NDUFAF7: variants seen among roughly 807,000 people sequenced by gnomAD.
NDUFAF7 encodes protein arginine methyltransferase NDUFAF7, mitochondrial.
In NDUFAF7, 48 loss-of-function variants were observed where a neutral mutation model predicts 47.2. The observed-to-expected ratio is 1.02, with a 90% CI of 0.81 to 1.29. NDUFAF7 has a LOEUF of 1.29. NDUFAF7 is among the 50% of genes most tolerant of loss of function. The probability of loss-of-function intolerance (pLI) is 0.00; values close to 1 mark genes in which losing one functional copy is unlikely to be tolerated. For synonymous variants in NDUFAF7, 217 were observed against 190.0 expected, an observed-to-expected ratio of 1.14 and a Z score of -1.17; for missense variants, 635 against 537.6, an observed-to-expected ratio of 1.18 and a Z score of -1.79.
At chr2:37,250,040 T>A (rs954635538), downstream of NDUFAF7, among the ~76,000 whole-genome samples, 1 of 151,154 alleles carries the variant, frequency 6.6e-6, no homozygotes, top group Non-Finnish European at 1.5e-5. Flanking sequence ...TTTTTTGCAA[T>A]TTTTTTTTCA....
At chr2:37,234,501 A>G (rs1025136515) in intron 2 of NDUFAF7, among the ~76,000 whole-genome samples, 1 of 152,036 alleles carries the variant, frequency 6.6e-6, no homozygotes, top group Non-Finnish European at 1.5e-5. Flanking sequence ...ATTTAAAAAC[A>G]CTCTGTGAAG....
chr2:37,237,610 A>G lies in NDUFAF7; in HGVS notation c.298-147A>G, dbSNP rs114515653. On this transcript the variant is annotated intron_variant, in intron 3 of 9. Coordinates refer to ENST00000002125, the MANE Select transcript of NDUFAF7 (RefSeq NM_144736.5). ...AGTCCCAGGAAGTTCCTATGTGAAC[A>G]TGTACGTATGTATTGAACAACATAC... 0.011 allele frequency: 7,425 copies of G among 647,630 alleles called. 65 individuals carry two copies. The highest frequency in any genetic ancestry group is 0.014 in the Non-Finnish European group (5,080 of 366,570). The allele number at this position is 647,630 out of a possible 1,614,324, so 40.1% of individuals were successfully genotyped here.
rs1194462616 is a variant in NDUFAF7, at chr2:37,247,454, A to G, written c.937-2A>G. 1.9e-6 allele frequency: 3 copies of G among 1,613,926 alleles called. No homozygotes were observed. Among genetic ancestry groups the G allele is most frequent in the East Asian group, 4.5e-5 (2 of 44,864 alleles). ...CAAAAATCTGATTTCTTTATGTTCA[A>G]GGGGTTTTGCGACCACAAGCTTCAT... On this transcript the variant is annotated splice_acceptor_variant, in intron 8 of 9. Transcript: ENST00000002125. LOFTEE classifies it high-confidence loss of function.
chr2:37,263,886 T>G, the NDUFAF7 span, among the ~76,000 whole-genome samples: 1 of 152,198 alleles, frequency 6.6e-6, no homozygotes, highest in Non-Finnish European at 1.5e-5. Context: ...TCTTATAGCT[T>G]TGGGGTAGCT....
At chr2:37,257,406 C>G (rs1668040450), downstream of NDUFAF7, among the ~76,000 whole-genome samples, 1 of 152,072 alleles carries the variant, frequency 6.6e-6, no homozygotes, top group Non-Finnish European at 1.5e-5. Flanking sequence ...TGGCTCACAC[C>G]TGTAATCCCA....
At chr2:37,254,287 T>C, downstream of NDUFAF7, 1 of 1,611,904 alleles carries the variant, frequency 6.2e-7, no homozygotes. Context: ...ATCAGATCAA[T>C]TGCTAAGGGA....
downstream of NDUFAF7, among the ~76,000 whole-genome samples, chr2:37,253,815 G>A (rs1056954292): frequency 1.3e-5 from 2 of 152,118 alleles, no homozygotes; most frequent in African/African-American, 2.4e-5. Flanking sequence ...GAAGTTTGGA[G>A]GGTATCTTTT....
At chr2:37,259,728 T>C in the NDUFAF7 span, 1 of 1,330,768 alleles carries the variant, frequency 7.5e-7, no homozygotes, top group Non-Finnish European at 1.1e-6. Context: ...AAATCACAAG[T>C]AAACCTCATG....
At chr2:37,256,664 TC>T, downstream of NDUFAF7, 1 of 881,942 alleles carries the variant, frequency 1.1e-6, no homozygotes, top group Non-Finnish European at 1.7e-6. Context: ...TTTTTTACCT[TC>T]ACCAGAAATT....
the NDUFAF7 span, chr2:37,268,394 A>G: frequency 2.1e-6 from 1 of 469,858 alleles, no homozygotes; most frequent in Non-Finnish European, 4.4e-6. Flanking sequence ...AACCATAGAT[A>G]TTATATATGC....
chr2:37,232,399 C>A, intron 2 of NDUFAF7, 133 bp downstream of exon 2: 2 of 1,173,068 alleles, frequency 1.7e-6, no homozygotes, highest in Non-Finnish European at 2.6e-6. Flanking sequence ...TTTCTGAGGA[C>A]CTGGGGACAG....
At chr2:37,256,993 A>G (rs1179155918), downstream of NDUFAF7, 1 of 1,527,458 alleles carries the variant, frequency 6.5e-7, no homozygotes, top group Non-Finnish European at 9.0e-7. Context: ...ACCTGTCCCT[A>G]AATATAACAC....
chr2:37,253,568 G>A (rs1362997627), downstream of NDUFAF7, among the ~76,000 whole-genome samples: 1 of 152,024 alleles, frequency 6.6e-6, no homozygotes, highest in Non-Finnish European at 1.5e-5. Context: ...ATGAATGAAC[G>A]TAACTAATTT....
the NDUFAF7 span, among the ~76,000 whole-genome samples, chr2:37,263,343 T>C: frequency 6.6e-6 from 1 of 152,224 alleles, no homozygotes; most frequent in African/African-American, 2.4e-5. Flanking sequence ...CTTTAATGCA[T>C]TGAGATCAAA....
the NDUFAF7 span, chr2:37,267,388 C>G: frequency 1.3e-5 from 17 of 1,312,910 alleles, no homozygotes; most frequent in Admixed American, 8.4e-5. Flanking sequence ...CAGATTCTTA[C>G]CAGCCTCTTT....
At chr2:37,268,433 C>A in the NDUFAF7 span, 2 of 455,668 alleles carry the variant, frequency 4.4e-6, no homozygotes, top group Admixed American at 4.9e-5. Flanking sequence ...TTCTAGGCGA[C>A]TGCTTTATGT....
At chr2:37,267,332 T>C in the NDUFAF7 span, 1 of 786,026 alleles carries the variant, frequency 1.3e-6, no homozygotes, top group Non-Finnish European at 2.0e-6. Flanking sequence ...TACCATAATC[T>C]AATTTTGCCT....
downstream of NDUFAF7, chr2:37,256,643 T>TG: frequency 7.2e-7 from 1 of 1,395,492 alleles, no homozygotes; most frequent in Non-Finnish European, 9.3e-7. Flanking sequence ...TTTTTTTTTT[T>TG]TTTTTTTTTT....
intron 2 of NDUFAF7, among the ~76,000 whole-genome samples, chr2:37,233,919 C>T (rs1665474344): frequency 6.6e-6 from 1 of 152,158 alleles, no homozygotes; most frequent in Non-Finnish European, 1.5e-5. Flanking sequence ...CAATTATGAA[C>T]ATACGCAGCA....
Sources: gnomAD v4.1 joint callset for allele counts (sites outside exome capture counted in the v4.1 genomes callset) on GRCh38, gnomAD v4.1.1 for gene constraint, MANE v1.5 for transcripts, NCBI Gene and HGNC (gene_info 2026-07-23, HGNC 2026-07-21) for gene names.